Variants in MALSU1 observed in about 807,000 individuals in gnomAD.
The protein encoded by MALSU1 is mitochondrial assembly of ribosomal large subunit protein 1.
A neutral mutation model predicts 22.1 loss-of-function variants in MALSU1; 22 were observed. The observed-to-expected ratio is 1.00, with a 90% CI of 0.71 to 1.42. The LOEUF (loss-of-function observed/expected upper bound fraction) is 1.42. MALSU1 is among the 40% of genes most tolerant of loss of function. The pLI is 0.00. For synonymous variants in MALSU1, 153 were observed against 118.5 expected, an observed-to-expected ratio of 1.29 and a Z score of -1.89; for missense variants, 379 against 308.3, an observed-to-expected ratio of 1.23 and a Z score of -1.72.
chr7:23,301,133 C>T (rs1783639509), intron 2 of MALSU1, 116 bp downstream of exon 2: 1 of 935,926 alleles, frequency 1.1e-6, no homozygotes, highest in South Asian at 2.0e-5. Flanking sequence ...CAGAAGAAGC[C>T]CAAATTTTCA....
At chr7:23,305,658 T>A (rs1449448423) in intron 2 of MALSU1, among the ~76,000 whole-genome samples, 1 of 152,204 alleles carries the variant, frequency 6.6e-6, no homozygotes, top group Non-Finnish European at 1.5e-5. Context: ...ATTACAGGTG[T>A]GAGCCACCGT....
chr7:23,311,521 G>C lies in MALSU1; in HGVS notation c.*1978G>C, dbSNP rs1320692631. On this transcript the variant is annotated 3_prime_UTR_variant, in exon 4 of 4. Transcript: ENST00000466681. Reference sequence around the variant, plus strand: ...CCCAACTATAAATGAAAGAATAAATGGTAGTGCTGCTCTCCAGATACTAGG... The same window carrying C: ...CCCAACTATAAATGAAAGAATAAATCGTAGTGCTGCTCTCCAGATACTAGG... 1.3e-5 allele frequency: 2 copies of C among 152,252 alleles called. No individual in the cohort carries two copies. The highest frequency in any genetic ancestry group is 2.9e-5 in the Non-Finnish European group (2 of 68,026). The allele number at this position is 152,252 out of a possible 1,614,324, so 9.4% of individuals were successfully genotyped here. A position where few individuals can be genotyped will look rare whatever the true frequency, so the allele number is the denominator to read the frequency against.
chr7:23,301,239 C>T, intron 2 of MALSU1: 1 of 395,482 alleles, frequency 2.5e-6, no homozygotes. Context: ...AATCTTTTCT[C>T]TTGTGACCGC....
Position 23,309,421 on chromosome 7 carries a change from A to G in MALSU1, c.583A>G (p.Thr195Ala). The G allele has an allele frequency of 6.2e-7, 1 of 1,613,602 alleles. No individual in the cohort carries two copies. Among genetic ancestry groups the G allele is most frequent in the East Asian group, 2.2e-5 (1 of 44,860 alleles). The change falls in exon 4 of 4, where the codon ACC (threonine) becomes GCC (alanine). Residue 195 changes from threonine to alanine, a missense_variant. Transcript: ENST00000466681. The stretch of plus-strand genomic sequence containing the variant: ...AATCTATGAATTAGAGAAATTATGG[A>G]CCCTACGTTCTTATGATGACCAGTT... ...REIYELEKLW[T>A]LRSYDDQLAQ...
chr7:23,304,036 G>T (rs139047398), intron 2 of MALSU1, among the ~76,000 whole-genome samples: 1 of 151,796 alleles, frequency 6.6e-6, no homozygotes, highest in African/African-American at 2.4e-5. Flanking sequence ...AACCTGGGAG[G>T]TGGAGGTTGC....
Position 23,311,537 on chromosome 7 carries a change from A to G in MALSU1, c.*1994A>G, listed in dbSNP as rs1783829428. 6.6e-6 allele frequency: 1 copy of G among 152,324 alleles called. No individual in the cohort carries two copies. The highest frequency in any genetic ancestry group is 1.5e-5 in the Non-Finnish European group (1 of 68,028). 9.4% of individuals were successfully genotyped at this position (152,324 alleles called of 1,614,324 possible). ...AGAATAAATGGTAGTGCTGCTCTCC[A>G]GATACTAGGCACTGCTCCGTATTTT... On this transcript the variant is annotated 3_prime_UTR_variant, in exon 4 of 4. Coordinates refer to ENST00000466681, the MANE Select transcript of MALSU1 (RefSeq NM_138446.2).
At chr7:23,305,380 G>C (rs1424852568) in intron 2 of MALSU1, among the ~76,000 whole-genome samples, 2 of 151,498 alleles carry the variant, frequency 1.3e-5, no homozygotes, top group Non-Finnish European at 2.9e-5. Context: ...GGGGTTCCTT[G>C]AGAGTCCATA....
In MALSU1 at chr7:23,311,201, C is replaced by G. The variant is rs1445479974; in HGVS notation, c.*1658C>G. The G allele has an allele frequency of 1.3e-5, 2 of 152,078 alleles. No homozygotes were observed. The highest frequency in any genetic ancestry group is 2.9e-5 in the Non-Finnish European group (2 of 68,008). 9.4% of individuals were successfully genotyped at this position (152,078 alleles called of 1,614,324 possible). ...CAGTGCTGGCCCCATGGAAATGTAG[C>G]CTTTTGTTGCGTTTAAACACTGTCA... On this transcript the variant is annotated 3_prime_UTR_variant, in exon 4 of 4. Transcript: ENST00000466681.
At chr7:23,306,843 T>G (rs916480965) in intron 2 of MALSU1, among the ~76,000 whole-genome samples, 1 of 152,240 alleles carries the variant, frequency 6.6e-6, no homozygotes, top group African/African-American at 2.4e-5. Context: ...CTAGTATTTT[T>G]GTTGAGGATT....
At chr7:23,301,680 TA>T (rs1348891738) in intron 2 of MALSU1, among the ~76,000 whole-genome samples, 2 of 152,168 alleles carry the variant, frequency 1.3e-5, no homozygotes, top group African/African-American at 4.8e-5. Context: ...TAAATTAAAA[TA>T]TAAATTCAGC....
intron 1 of MALSU1, 47 bp downstream of exon 1, chr7:23,299,655 G>A (rs1267737314): frequency 6.5e-7 from 1 of 1,528,342 alleles, no homozygotes. Flanking sequence ...GGGCAGTCTG[G>A]AGTCAGGTCC....
intron 2 of MALSU1, among the ~76,000 whole-genome samples, chr7:23,302,749 G>C (rs891800526): frequency 6.6e-6 from 1 of 152,214 alleles, no homozygotes; most frequent in Admixed American, 6.5e-5. Flanking sequence ...GTTGTTTGTG[G>C]TAAAATATAT....
Position 23,304,903 on chromosome 7 carries a change from T to C in MALSU1, c.436-2965T>C, listed in dbSNP as rs79089958. Among the ~76,000 whole-genome samples, 1,415 of 152,080 alleles carry C rather than the reference T, an allele frequency of 9.3e-3. 56 individuals carry two copies. In the East Asian group the frequency reaches 0.13, roughly 14 times the overall value. ...TGGGTTGCCTTTTTACTCTTTAGAG[T>C]GTCCTTTGATGCACGAAAGTATTTA... On this transcript the variant is annotated intron_variant, in intron 2 of 3. Transcript: ENST00000466681.
rs573136567 is a variant in MALSU1, at chr7:23,308,390, A to G, written c.517+441A>G. The stretch of plus-strand genomic sequence containing the variant: ...ACTAGAATTTTGAAAAGATCTAACA[A>G]CTTTGGGTATTAATGTGTACATAGT... On this transcript the variant is annotated intron_variant, in intron 3 of 3. Transcript: ENST00000466681. Among the ~76,000 whole-genome samples, 4 of 152,310 alleles carry G rather than the reference A, an allele frequency of 2.6e-5. No individual in the cohort carries two copies. In the South Asian group the frequency reaches 6.2e-4, roughly 24 times the overall value.
Position 23,309,465 on chromosome 7 carries a change from G to GA in MALSU1, c.628dup (p.Thr210AsnfsTer4). The GA allele has an allele frequency of 6.2e-7, 1 of 1,613,586 alleles. No homozygotes were observed. Among genetic ancestry groups the GA allele is most frequent in the Non-Finnish European group, 8.5e-7 (1 of 1,179,748 alleles). The stretch of plus-strand genomic sequence containing the variant: ...ACCAGTTAGCTCAGATAGCACCTGA[G>GA]ACAGTACCTGAAGACTTCATTCTTG... On this transcript the variant is annotated frameshift_variant, in exon 4 of 4. Coordinates refer to ENST00000466681, the MANE Select transcript of MALSU1 (RefSeq NM_138446.2). LOFTEE classifies it high-confidence loss of function.
intron 2 of MALSU1, among the ~76,000 whole-genome samples, chr7:23,305,981 G>A (rs1263996013): frequency 6.6e-6 from 1 of 152,156 alleles, no homozygotes; most frequent in Non-Finnish European, 1.5e-5. Flanking sequence ...GATCACCTGA[G>A]ATCGGGAGTT....
At position 23,299,617 on chromosome 7, in the gene MALSU1, G is replaced by C; in HGVS notation, c.256+9G>C. 1.3e-6 allele frequency: 2 copies of C among 1,565,466 alleles called. No individual in the cohort carries two copies. The highest frequency in any genetic ancestry group is 1.7e-6 in the Non-Finnish European group (2 of 1,154,950). ...AGAATCGGACGCGGCAGGTACGGGC[G>C]TGGAGAAGAACGAAGGCGACCCTCT... On this transcript the variant is annotated intron_variant, in intron 1 of 3. Coordinates refer to ENST00000466681, the MANE Select transcript of MALSU1 (RefSeq NM_138446.2).
chr7:23,311,183 G>GGC lies in MALSU1; in HGVS notation c.*1641_*1642dup, dbSNP rs1371826333. 2.0e-5 allele frequency: 3 copies of GGC among 151,448 alleles called. No homozygotes were observed. The highest frequency in any genetic ancestry group is 7.3e-5 in the African/African-American group (3 of 41,152). The allele number at this position is 151,448 out of a possible 1,614,324, so 9.4% of individuals were successfully genotyped here. On this transcript the variant is annotated 3_prime_UTR_variant, in exon 4 of 4. Coordinates refer to ENST00000466681, the MANE Select transcript of MALSU1 (RefSeq NM_138446.2). Reference sequence around the variant, plus strand: ...GCTTAGTGAGGCTCATGACAGTGCTGGCCCCATGGAAATGTAGCCTTTTGT... The same window carrying GGC: ...GCTTAGTGAGGCTCATGACAGTGCTGGCGCCCCATGGAAATGTAGCCTTTTGT...
rs112007740 is a variant in MALSU1 at position 23,307,779 on chromosome 7, C to A, written c.436-89C>A. 0.022 allele frequency: 16,824 copies of A among 748,796 alleles called. 1,144 individuals are homozygous for A. In the African/African-American group the frequency reaches 0.23, roughly 10 times the overall value. The allele number at this position is 748,796 out of a possible 1,614,324, so 46.4% of individuals were successfully genotyped here. A position where few individuals can be genotyped will look rare whatever the true frequency, so the allele number is the denominator to read the frequency against. ...AATGAGTAAGAAAGATTAAAAAAAA[C>A]AAACAAACAAACAAAAAAAAAAGAC... On this transcript the variant is annotated intron_variant, in intron 2 of 3. Coordinates refer to ENST00000466681, the MANE Select transcript of MALSU1 (RefSeq NM_138446.2).
Sources: allele counts gnomAD v4.1 joint callset (sites outside exome capture counted in the v4.1 genomes callset), GRCh38; gene constraint gnomAD v4.1.1; transcripts MANE v1.5; gene names NCBI Gene and HGNC (gene_info 2026-07-23, HGNC 2026-07-21).